MDN1: variants seen among roughly 807,000 people sequenced by gnomAD.
MDN1 encodes the protein midasin AAA ATPase 1, also known as midasin.
In MDN1, 266 loss-of-function variants were observed where a neutral mutation model predicts 669.2. The ratio of observed to expected loss-of-function variants is 0.40; its 90% confidence interval spans 0.36 to 0.44. The LOEUF is 0.44. Ranked by LOEUF, MDN1 falls within the 20% of genes least tolerant of loss-of-function variation. The probability of loss-of-function intolerance (pLI) is 1.00; values close to 1 mark genes in which losing one functional copy is unlikely to be tolerated. For synonymous variants in MDN1, 2,385 were observed against 2,457.1 expected, an observed-to-expected ratio of 0.97 and a Z score of 0.87; for missense variants, 5,940 against 6,754.0, an observed-to-expected ratio of 0.88 and a Z score of 4.22.
chr6:89,645,016 C>G lies in MDN1; in HGVS notation c.16601G>C (p.Arg5534Pro), dbSNP rs140050356. 3.2e-6 allele frequency: 5 copies of G among 1,586,720 alleles called. No homozygotes were observed. In the Admixed American group the frequency reaches 6.7e-5, roughly 21 times the overall value. The change falls in exon 101 of 102, where the codon CGG becomes CCG. Residue 5534 changes from arginine (R) to proline (P), a missense_variant and splice_region_variant. Transcript: ENST00000369393. The part of the protein sequence containing the change: ...IFVVLDNPSS[R>P]DSILDIKVPI... ...AGGTGGCTTTTAGTAGTCACTCACCCGTGAACTGGGATTGTCCAATACAAC... is the reference window on the plus strand; with the variant it reads ...AGGTGGCTTTTAGTAGTCACTCACCGGTGAACTGGGATTGTCCAATACAAC...
At chr6:89,725,604 T>C (rs1405644308) in intron 37 of MDN1, among the ~76,000 whole-genome samples, 1 of 152,196 alleles carries the variant, frequency 6.6e-6, no homozygotes, top group East Asian at 1.9e-4. Flanking sequence ...AGGGTTTCAC[T>C]CTGTCACTCA....
chr6:89,798,428 G>A (rs1215628009), intron 2 of MDN1, among the ~76,000 whole-genome samples: 2 of 151,942 alleles, frequency 1.3e-5, no homozygotes, highest in Non-Finnish European at 2.9e-5. Context: ...CTTGAACCTG[G>A]GAGGCGGAGG....
chr6:89,773,919 C>T (rs531707393), intron 13 of MDN1, among the ~76,000 whole-genome samples: 23 of 151,254 alleles, frequency 1.5e-4, no homozygotes, highest in African/African-American at 5.6e-4. Context: ...GGACCAAGAT[C>T]GCACCACTGT....
rs764048665 is a variant in MDN1 at position 89,803,504 on chromosome 6, C to T, written c.153G>A (p.Leu51=). 17 of 1,613,922 alleles carry T rather than the reference C, an allele frequency of 1.1e-5. No homozygotes were observed. In the East Asian group the frequency reaches 3.6e-4, roughly 34 times the overall value. ...RQCVLSTLAQ[L]LLDKDCTVLV... Reference sequence around the variant, plus strand: ...GCACAGTACAGTCCTTATCCAAAAGCAACTGTGCTAAGGTACTCAGGACAC... The same window carrying T: ...GCACAGTACAGTCCTTATCCAAAAGTAACTGTGCTAAGGTACTCAGGACAC... The change falls in exon 2 of 102, where the codon TTG becomes TTA. Residue 51 remains leucine, a synonymous_variant. Transcript: ENST00000369393.
intron 8 of MDN1, among the ~76,000 whole-genome samples, chr6:89,786,048 G>A (rs981728205): frequency 6.6e-6 from 1 of 152,042 alleles, no homozygotes; most frequent in Non-Finnish European, 1.5e-5. Flanking sequence ...GATTGCTTGA[G>A]GCCAGAAGTT....
chr6:89,710,733 G>C lies in MDN1; in HGVS notation c.7713C>G (p.Ser2571=). 1 of 1,602,384 alleles carries C rather than the reference G, an allele frequency of 6.2e-7. No individual in the cohort carries two copies. The highest frequency in any genetic ancestry group is 8.5e-7 in the Non-Finnish European group (1 of 1,175,756). The change falls in exon 50 of 102, where the codon TCC becomes TCG. Residue 2571 remains serine, a synonymous_variant. Coordinates refer to ENST00000369393, the MANE Select transcript of MDN1 (RefSeq NM_014611.3). ...AASLRNFYSH[S]LSGAVSNVFK... is the part of the protein sequence containing the mutation. ...AAACATTACTGACTGCACCTGAGAG[G>C]GAATGTGAGTAAAAATTCCTGAGAG...
In MDN1 at chr6:89,776,670, A is replaced by T; in HGVS notation, c.1751T>A (p.Leu584His). 8 of 1,612,716 alleles carry T rather than the reference A, an allele frequency of 5.0e-6. No homozygotes were observed. Among genetic ancestry groups the T allele is most frequent in the Non-Finnish European group, 5.9e-6 (7 of 1,179,018 alleles). ...QEALDCFTAM[L>H]SEHTSKLKMA... ...TTTCAGTTTGCTTGTATGCTCAGAA[A>T]GCATTGCTGTGAAACAGTCTAGAGC... The change falls in exon 12 of 102, where the codon CTT becomes CAT. Residue 584 changes from leucine (L) to histidine (H), a missense_variant. Transcript: ENST00000369393.
chr6:89,679,427 G>A (rs1811449696), intron 74 of MDN1, among the ~76,000 whole-genome samples: 1 of 152,174 alleles, frequency 6.6e-6, no homozygotes, highest in African/African-American at 2.4e-5. Context: ...AGTGTTATAG[G>A]CTGGGTTGTG....
chr6:89,772,103 A>C (rs1343547968), intron 14 of MDN1, among the ~76,000 whole-genome samples: 1 of 152,158 alleles, frequency 6.6e-6, no homozygotes, highest in Non-Finnish European at 1.5e-5. Flanking sequence ...GTCTTTACAA[A>C]AAACTTTAAA....
intron 65 of MDN1, 127 bp from the exon 66 acceptor site, chr6:89,688,935 C>T (rs1812202120): frequency 5.4e-6 from 4 of 742,528 alleles, no homozygotes; most frequent in Middle Eastern, 2.9e-4. Flanking sequence ...TTTGGGGAGC[C>T]GAGGCAGGCA....
intron 34 of MDN1, among the ~76,000 whole-genome samples, chr6:89,731,537 C>G (rs943667555): frequency 6.6e-6 from 1 of 151,928 alleles, no homozygotes; most frequent in African/African-American, 2.4e-5. Context: ...CATGTTCTCA[C>G]TCATAAGTGG....
intron 11 of MDN1, among the ~76,000 whole-genome samples, chr6:89,778,887 A>AAAATAAAT (rs548314772): frequency 0.027 from 3,563 of 130,228 alleles, 78 homozygotes; most frequent in South Asian, 0.059. Context: ...CTATGTCTCA[A>AAAATAAAT]AAATAAATAA....
chr6:89,653,158 A>G lies in MDN1; in HGVS notation c.15662-3T>C. On this transcript the variant is annotated splice_region_variant and splice_polypyrimidine_tract_variant and intron_variant, in intron 93 of 101. Coordinates refer to ENST00000369393, the MANE Select transcript of MDN1 (RefSeq NM_014611.3). ...CTCCACTTCCATCTCATCAAAGCCT[A>G]TTTTCATTTAAGGACATAATTTTAC... 1 of 1,606,082 alleles carries G rather than the reference A, an allele frequency of 6.2e-7. No homozygotes were observed. Among genetic ancestry groups the G allele is most frequent in the South Asian group, 1.1e-5 (1 of 88,844 alleles).
chr6:89,724,150 GAAA>G lies in MDN1; in HGVS notation c.5671-534_5671-532del, dbSNP rs942886762. Among the ~76,000 whole-genome samples, 11 of 142,510 alleles carry G rather than the reference GAAA, an allele frequency of 7.7e-5. 1 individual carries two copies. The South Asian group carries it at 2.0e-3, about 26-fold the overall frequency. The allele number at this position is 142,510 out of a possible 152,430, so 93.5% of individuals were successfully genotyped here. A position where few individuals can be genotyped will look rare whatever the true frequency, so the allele number is the denominator to read the frequency against. ...AGAGCAAGATTCCATCTCAAAAAAAGAAAAAAAAAAGATACATGTTATTAAAAA... is the reference window on the plus strand; with the variant it reads ...AGAGCAAGATTCCATCTCAAAAAAAGAAAAAAAGATACATGTTATTAAAAA... On this transcript the variant is annotated intron_variant, in intron 38 of 101. Transcript: ENST00000369393.
chr6:89,684,035 T>A, intron 71 of MDN1, 131 bp from the exon 72 acceptor site: 1 of 697,932 alleles, frequency 1.4e-6, no homozygotes, highest in Non-Finnish European at 2.4e-6. Flanking sequence ...AGTGAACAAG[T>A]AAAACAAGTC....
At chr6:89,738,627 T>G (rs1816127741) in intron 32 of MDN1, among the ~76,000 whole-genome samples, 172 bp from the exon 33 acceptor site, 1 of 152,210 alleles carries the variant, frequency 6.6e-6, no homozygotes, top group African/African-American at 2.4e-5. Flanking sequence ...CTTGACTCCT[T>G]ATATTCCATG....
At chr6:89,805,431 C>T (rs1767952547) in intron 1 of MDN1, among the ~76,000 whole-genome samples, 1 of 152,098 alleles carries the variant, frequency 6.6e-6, no homozygotes, top group Non-Finnish European at 1.5e-5. Context: ...AGTCTCAGCT[C>T]CTCAGGTGGC....
chr6:89,780,322 C>A (rs758759527), intron 10 of MDN1, 29 bp from the exon 11 acceptor site: 3 of 1,454,230 alleles, frequency 2.1e-6, no homozygotes, highest in South Asian at 1.3e-5. Context: ...AAAGAAAAAA[C>A]AAAGAAAAGA....
intron 67 of MDN1, 136 bp from the exon 68 acceptor site, chr6:89,687,574 A>G (rs563670968): frequency 2.9e-6 from 2 of 686,922 alleles, no homozygotes; most frequent in East Asian, 2.7e-5. Flanking sequence ...GTAGGAATGA[A>G]TTTACAGTGT....
Sources: gnomAD v4.1 joint callset for allele counts (sites outside exome capture counted in the v4.1 genomes callset) on GRCh38, gnomAD v4.1.1 for gene constraint, MANE v1.5 for transcripts, NCBI Gene and HGNC (gene_info 2026-07-23, HGNC 2026-07-21) for gene names.